The following DNAH5 variants were observed in gnomAD, a reference collection of about 807,000 sequenced individuals.
The protein encoded by DNAH5 is dynein axonemal heavy chain 5.
DNAH5 carries 372 observed loss-of-function variants against 518.2 expected under a neutral mutation model. The ratio of observed to expected loss-of-function variants is 0.72; its 90% CI spans 0.66 to 0.78. The LOEUF (loss-of-function observed/expected upper bound fraction) is 0.78. Among genes scored for constraint, DNAH5 ranks in the 30% least tolerant of loss-of-function variants. The probability of loss-of-function intolerance (pLI) is 0.00; values close to 1 mark genes in which losing one functional copy is unlikely to be tolerated. For synonymous variants in DNAH5, 2,039 were observed against 2,025.9 expected (o/e 1.01, Z -0.17); for missense variants, 5,523 against 5,687.0 (o/e 0.97, Z 0.93).
intron 1 of DNAH5, among the ~76,000 whole-genome samples, chr5:13,998,330 G>A (rs1056344733): frequency 4.6e-5 from 7 of 152,194 alleles, no homozygotes; most frequent in Non-Finnish European, 8.8e-5. Context: ...ATTTACAAGA[G>A]CAGAGCCTTC....
rs1765067949 is a variant in DNAH5, at chr5:13,840,931, T to C, written c.5684A>G (p.His1895Arg). 1.2e-6 allele frequency: 2 copies of C among 1,614,000 alleles called. No individual in the cohort carries two copies. Among genetic ancestry groups the C allele is most frequent in the Non-Finnish European group, 1.7e-6 (2 of 1,179,964 alleles). Residue 1895 changes from histidine to arginine, a missense_variant, in exon 34 of 79, where the codon CAC (histidine) becomes CGC (arginine). By Grantham distance (29) the His-to-Arg change is conservative. Around this residue, in one of 3 missense-constraint regions of DNAH5, gnomAD observed 5,121 missense variants for 5,223.3 expected, o/e 0.98. Coordinates refer to ENST00000265104, the MANE Select transcript of DNAH5 (RefSeq NM_001369.3). ...CAGGTCATCAAAGATATCCCTTTGGTGCACATGAATAGTAATCAGAGTCTC... is the reference window on the plus strand; with the variant it reads ...CAGGTCATCAAAGATATCCCTTTGGCGCACATGAATAGTAATCAGAGTCTC... ...KYETLITIHV[H>R]QRDIFDDLCH...
At chr5:14,000,646 A>C (rs1488087753) in intron 1 of DNAH5, among the ~76,000 whole-genome samples, 1 of 151,972 alleles carries the variant, frequency 6.6e-6, no homozygotes, top group South Asian at 2.1e-4. Flanking sequence ...AAAAAAAAAA[A>C]ATGGATGCTG....
At chr5:13,904,582 G>A (rs776061942) in intron 12 of DNAH5, among the ~76,000 whole-genome samples, 2 of 151,544 alleles carry the variant, frequency 1.3e-5, no homozygotes, top group Non-Finnish European at 2.9e-5. Context: ...TCCAACCATT[G>A]CTCTTTTAAA....
rs112286461 is a variant in DNAH5, at chr5:13,864,331, T to C, written c.4596+66A>G. 2.0e-4 allele frequency: 320 copies of C among 1,598,124 alleles called. 1 individual carries two copies. In the African/African-American group the frequency reaches 3.7e-3, roughly 18 times the overall value. On this transcript the variant is annotated intron_variant, in intron 28 of 78. Coordinates refer to ENST00000265104, the MANE Select transcript of DNAH5 (RefSeq NM_001369.3). ...TGTAGTTTACTGATCCAATATTCCA[T>C]AATATAGAAATGTTATCAAATAAAT... is the stretch of plus-strand genomic sequence containing the variant.
At chr5:13,958,209 A>C (rs1212360978) in intron 1 of DNAH5, among the ~76,000 whole-genome samples, 1 of 151,978 alleles carries the variant, frequency 6.6e-6, no homozygotes, top group Non-Finnish European at 1.5e-5. Flanking sequence ...TCTATTTATT[A>C]ATTTCAATAA....
At position 13,842,483 on chromosome 5, in the gene DNAH5, G is replaced by GGA. The variant is rs1554073490; in HGVS notation, c.5272-580_5272-579insTC. On this transcript the variant is annotated intron_variant, in intron 32 of 78. Coordinates refer to ENST00000265104, the MANE Select transcript of DNAH5 (RefSeq NM_001369.3). ...AGAAAGAAAGAAAGAAAGAAAGAAA[G>GGA]AGAAAGAAAAGAAAGAAAGAAAGAA... Among the ~76,000 whole-genome samples, 10 of 78,300 alleles carry GGA rather than the reference G, an allele frequency of 1.3e-4. 2 individuals are homozygous for GGA. Among genetic ancestry groups the GGA allele is most frequent in the African/African-American group, 5.2e-4 (10 of 19,202 alleles). 51.4% of individuals were successfully genotyped at this position (78,300 alleles called of 152,430 possible).
rs558830984 is a variant in DNAH5 at position 13,883,517 on chromosome 5, A to T, written c.2984-423T>A. 1.0e-3 allele frequency among the ~76,000 whole-genome samples: 152 copies of T among 152,356 alleles called. 1 individual carries two copies. The highest frequency in any genetic ancestry group is 3.6e-3 in the African/African-American group (149 of 41,594). ...ATAACCACTTTGGAATTTCAGATAAATCATAGGCCTTTCCTACCATGGTGT... is the reference window on the plus strand; with the variant it reads ...ATAACCACTTTGGAATTTCAGATAATTCATAGGCCTTTCCTACCATGGTGT... On this transcript the variant is annotated intron_variant, in intron 19 of 78. Coordinates refer to ENST00000265104, the MANE Select transcript of DNAH5 (RefSeq NM_001369.3).
intron 12 of DNAH5, among the ~76,000 whole-genome samples, chr5:13,905,584 T>C (rs1775188538): frequency 1.3e-5 from 2 of 152,136 alleles, no homozygotes; most frequent in Admixed American, 1.3e-4. Flanking sequence ...ACTACAAATA[T>C]TAGAATGGTC....
At chr5:13,871,277 T>C (rs1191071434) in intron 23 of DNAH5, among the ~76,000 whole-genome samples, 1 of 152,214 alleles carries the variant, frequency 6.6e-6, no homozygotes, top group African/African-American at 2.4e-5. Context: ...AGGTTTGTTA[T>C]TGTTATTTAT....
chr5:13,914,747 C>A, intron 9 of DNAH5, 105 bp from the exon 10 acceptor site: 1 of 1,153,028 alleles, frequency 8.7e-7, no homozygotes, highest in Non-Finnish European at 1.3e-6. Context: ...TCACAATCTT[C>A]TAACTTGAGC....
At position 13,970,513 on chromosome 5, in the gene DNAH5, T is replaced by C. The variant is rs142495463; in HGVS notation, c.13-39269A>G. 9.5e-3 allele frequency among the ~76,000 whole-genome samples: 1,443 copies of C among 152,116 alleles called. 30 individuals carry two copies. The highest frequency in any genetic ancestry group is 0.033 in the African/African-American group (1,357 of 41,378). On this transcript the variant is annotated intron_variant, in intron 1 of 78. Coordinates refer to the DNAH5 transcript ENST00000681290. Reference sequence around the variant, plus strand: ...ATAGTGGTGAATTATGAGCATTTGTTTGTCTGAAAAAGACTATCTTTTTCA... The same window carrying C: ...ATAGTGGTGAATTATGAGCATTTGTCTGTCTGAAAAAGACTATCTTTTTCA...
At chr5:13,963,912 G>T (rs1781359296) in intron 1 of DNAH5, among the ~76,000 whole-genome samples, 1 of 151,926 alleles carries the variant, frequency 6.6e-6, no homozygotes, top group South Asian at 2.1e-4. Context: ...AAGTAATCCT[G>T]CCACCTCAGC....
In DNAH5 at chr5:13,776,450, G is replaced by C. The variant is rs1196563334; in HGVS notation, c.9362C>G (p.Ala3121Gly). 6.2e-6 allele frequency: 10 copies of C among 1,613,692 alleles called. No homozygotes were observed. Among genetic ancestry groups the C allele is most frequent in the East Asian group, 2.2e-5 (1 of 44,876 alleles). Reference sequence around the variant, plus strand: ...ATTTCCATACTAACCAGCAACTAAAGCATCTTTGGGCCATCGGCTGAACCA... The same window carrying C: ...ATTTCCATACTAACCAGCAACTAAACCATCTTTGGGCCATCGGCTGAACCA... ...IDWFSRWPKD[A>G]LVAVSEHFLT... The change falls in exon 55 of 79, where the codon GCT (alanine) becomes GGT (glycine). Residue 3121 changes from alanine (A) to glycine (G), a missense_variant. Physicochemically the swap from Ala to Gly is moderately conservative, Grantham distance 60. Around this residue, in one of 3 missense-constraint regions of DNAH5, gnomAD observed 5,121 missense variants for 5,223.3 expected, o/e 0.98. Transcript: ENST00000265104.
intron 27 of DNAH5, among the ~76,000 whole-genome samples, chr5:13,865,115 C>T (rs7716013): frequency 0.02 from 3,004 of 151,528 alleles, 115 homozygotes; most frequent in African/African-American, 0.069. Context: ...CTGCCTCAGC[C>T]TCCCGAGTAG....
chr5:13,847,784 C>G (rs13357135), intron 31 of DNAH5, among the ~76,000 whole-genome samples: 2,879 of 149,332 alleles, frequency 0.019, 123 homozygotes, highest in African/African-American at 0.067. Flanking sequence ...GTGTGTGTGT[C>G]TGTCTGTCTG....
chr5:13,935,841 G>C (rs1459394043), intron 1 of DNAH5, among the ~76,000 whole-genome samples: 1 of 152,202 alleles, frequency 6.6e-6, no homozygotes. Context: ...CACTTGGAAA[G>C]TGAAGGCAGA....
At chr5:13,804,010 ATTATC>A (rs374230527) in intron 47 of DNAH5, among the ~76,000 whole-genome samples, 1 of 152,266 alleles carries the variant, frequency 6.6e-6, no homozygotes, top group African/African-American at 2.4e-5. Context: ...CTTTTCAGAA[ATTATC>A]TTAATTTTTG....
chr5:13,919,311 G>A lies in DNAH5; in HGVS notation c.840C>T (p.Asp280=), dbSNP rs1777001241. 1 of 1,614,078 alleles carries A rather than the reference G, an allele frequency of 6.2e-7. No homozygotes were observed. Among genetic ancestry groups the A allele is most frequent in the African/African-American group, 1.3e-5 (1 of 75,010 alleles). Residue 280 remains aspartate, a synonymous_variant, in exon 7 of 79, where the codon GAC becomes GAT. Transcript: ENST00000265104. ...ENNQLLKEAD[D]VGPRAELEHW... The stretch of plus-strand genomic sequence containing the variant: ...GCTCCAGCTCCGCTCGTGGCCCAAC[G>A]TCATCCGCTTCCTTCAGCAGCTGAT...
rs552070100 is a variant in DNAH5, at chr5:13,829,382, C to T, written c.6444+128G>A. On this transcript the variant is annotated intron_variant, in intron 38 of 78. Coordinates refer to ENST00000265104, the MANE Select transcript of DNAH5 (RefSeq NM_001369.3). The stretch of plus-strand genomic sequence containing the variant: ...ATAAAATTATTTTTGTAGTAATACA[C>T]CTTTCTACTCAGTGTCAATAAAATC... The T allele has an allele frequency of 1.9e-5, 16 of 834,892 alleles. No homozygotes were observed. The South Asian group carries it at 2.4e-4, about 12-fold the overall frequency. 51.7% of individuals were successfully genotyped at this position (834,892 alleles called of 1,614,324 possible).
Sources: allele counts gnomAD v4.1 joint callset (sites outside exome capture counted in the v4.1 genomes callset), GRCh38; gene constraint gnomAD v4.1.1; regional missense constraint gnomAD v4.1.1; transcripts MANE v1.5; gene names NCBI Gene and HGNC (gene_info 2026-07-23, HGNC 2026-07-21).